The following EPHA5 variants were observed in gnomAD, a reference collection of about 807,000 sequenced individuals.
EPHA5 encodes the protein ephrin type-A receptor 5.
EPHA5 carries 60 observed loss-of-function variants against 105.0 expected under a neutral mutation model. The observed-to-expected ratio is 0.57, with a 90% CI of 0.46 to 0.71. EPHA5 has a LOEUF of 0.71. Ranked by LOEUF, EPHA5 falls within the 30% of genes least tolerant of loss-of-function variation. The probability of loss-of-function intolerance (pLI) is 0.00; values close to 1 mark genes in which losing one functional copy is unlikely to be tolerated. For synonymous variants in EPHA5, 513 were observed against 449.1 expected (o/e 1.14, Z -1.80); for missense variants, 1,218 against 1,274.7 (o/e 0.96, Z 0.68).
chr4:65,500,024 G>T (rs560358128), intron 3 of EPHA5, among the ~76,000 whole-genome samples: 8 of 150,980 alleles, frequency 5.3e-5, no homozygotes, highest in African/African-American at 1.9e-4. Context: ...GTATTTCATG[G>T]GTGGAATAAT....
chr4:65,324,253 T>C, intron 16 of EPHA5, 34 bp from the exon 17 acceptor site: 1 of 1,477,366 alleles, frequency 6.8e-7, no homozygotes, highest in South Asian at 1.1e-5. Context: ...GATGTATTGA[T>C]TCAATTTGTA....
intron 1 of EPHA5, among the ~76,000 whole-genome samples, chr4:65,650,515 G>A (rs1033076670): frequency 2.0e-4 from 28 of 143,164 alleles, no homozygotes; most frequent in Non-Finnish European, 3.4e-4. Flanking sequence ...AGCCGAGATC[G>A]CGCCACTGCA....
chr4:65,576,107 AGAAAAGAAAAAAG>A (rs1740995374), intron 3 of EPHA5, among the ~76,000 whole-genome samples: 1 of 71,154 alleles, frequency 1.4e-5, no homozygotes, highest in Non-Finnish European at 3.0e-5. Context: ...AGAAAAGAAA[AGAAAAGAAAAAAG>A]AAAAGAAAAG....
intron 2 of EPHA5, among the ~76,000 whole-genome samples, chr4:65,606,467 A>C (rs1205423077): frequency 6.6e-6 from 1 of 152,234 alleles, no homozygotes; most frequent in Non-Finnish European, 1.5e-5. Flanking sequence ...AGAATTTTAT[A>C]AGAGCAAATT....
At chr4:65,336,767 G>A (rs1577846015) in intron 14 of EPHA5, among the ~76,000 whole-genome samples, 1 of 152,054 alleles carries the variant, frequency 6.6e-6, no homozygotes, top group African/African-American at 2.4e-5. Context: ...CCACACATAT[G>A]AGTATCAGCC....
intron 3 of EPHA5, among the ~76,000 whole-genome samples, chr4:65,553,099 T>C (rs1299728340): frequency 2.0e-5 from 3 of 152,064 alleles, no homozygotes; most frequent in Admixed American, 1.3e-4. Flanking sequence ...GACATATTAA[T>C]AAAATTAATA....
chr4:65,649,639 C>G (rs947457408), intron 1 of EPHA5, among the ~76,000 whole-genome samples: 4 of 152,136 alleles, frequency 2.6e-5, no homozygotes, highest in African/African-American at 7.2e-5. Flanking sequence ...ATTGTCAACA[C>G]CCCTATCTAT....
intron 5 of EPHA5, among the ~76,000 whole-genome samples, chr4:65,430,831 CTTT>C (rs1279417027): frequency 6.6e-6 from 1 of 152,048 alleles, no homozygotes; most frequent in Non-Finnish European, 1.5e-5. Context: ...CTAATTTCTT[CTTT>C]GAGTATATAA....
chr4:65,478,323 G>T (rs978959392), intron 5 of EPHA5, among the ~76,000 whole-genome samples: 1 of 152,042 alleles, frequency 6.6e-6, no homozygotes, highest in Non-Finnish European at 1.5e-5. Flanking sequence ...AAACTTCAAT[G>T]ATTTATCAAA....
intron 3 of EPHA5, among the ~76,000 whole-genome samples, chr4:65,589,246 G>A (rs906427769): frequency 6.0e-5 from 9 of 151,042 alleles, no homozygotes; most frequent in East Asian, 3.9e-4. Context: ...GCTAACAGAC[G>A]TTTTTTTTTA....
chr4:65,492,023 T>C (rs1001387318), intron 4 of EPHA5, among the ~76,000 whole-genome samples: 1 of 152,172 alleles, frequency 6.6e-6, no homozygotes, highest in Non-Finnish European at 1.5e-5. Context: ...GGTAGTTGAA[T>C]GGTTCATAAG....
intron 12 of EPHA5, 48 bp downstream of exon 12, chr4:65,352,994 C>A: frequency 7.7e-7 from 1 of 1,296,902 alleles, no homozygotes; most frequent in Non-Finnish European, 1.1e-6. Flanking sequence ...CACAACATCA[C>A]AATATATAAA....
intron 3 of EPHA5, among the ~76,000 whole-genome samples, chr4:65,541,365 G>T (rs75145861): frequency 6.6e-6 from 1 of 151,830 alleles, no homozygotes; most frequent in Non-Finnish European, 1.5e-5. Context: ...CAACTCATGT[G>T]CAAAGTCACA....
At chr4:65,438,395 T>G (rs1725687812) in intron 5 of EPHA5, among the ~76,000 whole-genome samples, 1 of 151,858 alleles carries the variant, frequency 6.6e-6, no homozygotes, top group Non-Finnish European at 1.5e-5. Flanking sequence ...AATATGGATA[T>G]TAATGTAAAT....
intron 7 of EPHA5, among the ~76,000 whole-genome samples, chr4:65,410,164 C>A (rs1417232683): frequency 6.6e-6 from 1 of 152,090 alleles, no homozygotes; most frequent in Non-Finnish European, 1.5e-5. Context: ...GCCCTGACAT[C>A]CTTCAACAAA....
chr4:65,458,073 CAAAAAAAAAAAA>C (rs10565968), intron 5 of EPHA5, among the ~76,000 whole-genome samples: 2 of 72,572 alleles, frequency 2.8e-5, no homozygotes, highest in Non-Finnish European at 2.4e-5. Context: ...CACTCCATCC[CAAAAAAAAAAAA>C]AAAAAAAAAA....
intron 5 of EPHA5, among the ~76,000 whole-genome samples, chr4:65,434,653 A>G (rs73822146): frequency 0.034 from 5,179 of 152,150 alleles, 303 homozygotes; most frequent in African/African-American, 0.12. Context: ...TTGCTCTTCC[A>G]AAGCACTTCT....
Position 65,422,957 on chromosome 4 carries a change from G to A in EPHA5, c.1403-2392C>T, listed in dbSNP as rs149301231. Among the ~76,000 whole-genome samples, 845 of 152,102 alleles carry A rather than the reference G, an allele frequency of 5.6e-3. 14 individuals carry two copies. Among genetic ancestry groups the A allele is most frequent in the African/African-American group, 0.02 (816 of 41,510 alleles). On this transcript the variant is annotated intron_variant, in intron 5 of 16. Coordinates refer to ENST00000613740, the MANE Select transcript of EPHA5 (RefSeq NM_001281766.3). ...AGATTATTATCAATTAAAGTCCACAGTTTATTCAGATTTCCTTAGTCTTTA... is the reference window on the plus strand; with the variant it reads ...AGATTATTATCAATTAAAGTCCACAATTTATTCAGATTTCCTTAGTCTTTA...
chr4:65,621,414 C>A (rs1468285663), intron 2 of EPHA5, among the ~76,000 whole-genome samples: 1 of 152,048 alleles, frequency 6.6e-6, no homozygotes, highest in East Asian at 1.9e-4. Context: ...ATATTTGATT[C>A]TCTAATGGTA....
Sources: allele counts gnomAD v4.1 joint callset (sites outside exome capture counted in the v4.1 genomes callset), GRCh38; gene constraint gnomAD v4.1.1; transcripts MANE v1.5; gene names NCBI Gene and HGNC (gene_info 2026-07-23, HGNC 2026-07-21).